SMYD3: variants seen among roughly 807,000 people sequenced by gnomAD.
SMYD3 encodes histone-lysine N-methyltransferase SMYD3.
A neutral mutation model predicts 57.7 loss-of-function variants in SMYD3; 36 were observed. The ratio of observed to expected loss-of-function variants is 0.62; its 90% CI spans 0.48 to 0.82. The LOEUF (loss-of-function observed/expected upper bound fraction) is 0.82, where lower values mean the gene tolerates loss of function less well. Among genes scored for constraint, SMYD3 ranks in the 40% least tolerant of loss-of-function variants. The pLI, the probability that SMYD3 is intolerant of heterozygous loss-of-function variation, is 0.00. For synonymous variants in SMYD3, 211 were observed against 195.0 expected (o/e 1.08, Z -0.68); for missense variants, 515 against 538.8 (o/e 0.96, Z 0.44).
At chr1:246,315,285 TAGGGGATAGTCAC>T (rs1291638377) in intron 5 of SMYD3, among the ~76,000 whole-genome samples, 1 of 152,112 alleles carries the variant, frequency 6.6e-6, no homozygotes, top group Non-Finnish European at 1.5e-5. Flanking sequence ...ACTTAGAAAG[TAGGGGATAGTCAC>T]AGTTGTCAAA....
chr1:246,279,593 A>G (rs975677117), intron 5 of SMYD3, among the ~76,000 whole-genome samples: 18 of 152,214 alleles, frequency 1.2e-4, no homozygotes, highest in Non-Finnish European at 2.4e-4. Context: ...CTCTACAGCT[A>G]AAGAGGAAGT....
intron 5 of SMYD3, among the ~76,000 whole-genome samples, chr1:246,009,678 T>A (rs1039831971): frequency 6.6e-6 from 1 of 152,118 alleles, no homozygotes; most frequent in South Asian, 2.1e-4. Flanking sequence ...CAGGTCTTAG[T>A]ATTCTCCTTA....
intron 10 of SMYD3, among the ~76,000 whole-genome samples, chr1:245,840,452 T>C (rs2050342519): frequency 6.6e-6 from 1 of 150,794 alleles, no homozygotes; most frequent in African/African-American, 2.4e-5. Context: ...AGAACAAGAG[T>C]ACTAAATCTC....
intron 5 of SMYD3, among the ~76,000 whole-genome samples, chr1:246,147,857 G>A (rs866886965): frequency 2.6e-5 from 4 of 152,122 alleles, no homozygotes; most frequent in Middle Eastern, 3.2e-3. Context: ...GAACTCCGCA[G>A]GTGCAGACCT....
At chr1:245,844,824 T>C (rs1434107722) in intron 10 of SMYD3, among the ~76,000 whole-genome samples, 1 of 151,904 alleles carries the variant, frequency 6.6e-6, no homozygotes, top group Non-Finnish European at 1.5e-5. Context: ...TTTCTAGCTT[T>C]AGCCAATCAC....
At chr1:246,371,911 G>A (rs1558429781) in intron 1 of SMYD3, among the ~76,000 whole-genome samples, 2 of 152,046 alleles carry the variant, frequency 1.3e-5, no homozygotes, top group African/African-American at 2.4e-5. Flanking sequence ...TTGCTCTTCT[G>A]TTTTACAATT....
At chr1:246,027,662 T>C (rs76144478) in intron 5 of SMYD3, among the ~76,000 whole-genome samples, 13,421 of 152,208 alleles carry the variant, frequency 0.088, 1,750 homozygotes, top group African/African-American at 0.28. Flanking sequence ...ACATTACTGT[T>C]GATTGACAAC....
intron 1 of SMYD3, among the ~76,000 whole-genome samples, chr1:246,369,464 C>A (rs1237843160): frequency 6.6e-6 from 1 of 152,132 alleles, no homozygotes; most frequent in African/African-American, 2.4e-5. Context: ...TTAACACACA[C>A]CAGTAGATGT....
At position 245,846,085 on chromosome 1, in the gene SMYD3, C is replaced by T. The variant is rs534336864; in HGVS notation, c.1076+12411G>A. 4.6e-5 allele frequency among the ~76,000 whole-genome samples: 7 copies of T among 152,160 alleles called. No homozygotes were observed. In the East Asian group the frequency reaches 9.7e-4, roughly 21 times the overall value. On this transcript the variant is annotated intron_variant, in intron 10 of 11. Coordinates refer to ENST00000490107, the MANE Select transcript of SMYD3 (RefSeq NM_001167740.2). ...TTCTTTTGTTATACAGATAGCAGAA[C>T]ATGAATGGGGTGGGGGGGAAGAAGC...
intron 10 of SMYD3, among the ~76,000 whole-genome samples, chr1:245,818,306 T>C (rs2048968415): frequency 6.6e-6 from 1 of 151,902 alleles, no homozygotes; most frequent in Admixed American, 6.6e-5. Flanking sequence ...GCTTCATAAG[T>C]GAAGGAGAAA....
At chr1:245,996,056 C>T (rs1304387173) in intron 5 of SMYD3, among the ~76,000 whole-genome samples, 2 of 152,174 alleles carry the variant, frequency 1.3e-5, no homozygotes, top group South Asian at 2.1e-4. Flanking sequence ...TATTTAACTT[C>T]CCAACACCTA....
intron 5 of SMYD3, among the ~76,000 whole-genome samples, chr1:246,163,142 A>C (rs1180137981): frequency 6.6e-6 from 1 of 152,254 alleles, no homozygotes; most frequent in African/African-American, 2.4e-5. Context: ...TCTTACACTC[A>C]GTGACTGGTT....
At chr1:246,329,858 T>G (rs904911307) in intron 4 of SMYD3, among the ~76,000 whole-genome samples, 6 of 152,216 alleles carry the variant, frequency 3.9e-5, no homozygotes, top group African/African-American at 1.4e-4. Flanking sequence ...ATTTACTGTA[T>G]GTGCCCTGGC....
At chr1:245,905,497 TG>T (rs1466447824) in intron 8 of SMYD3, among the ~76,000 whole-genome samples, 1 of 152,182 alleles carries the variant, frequency 6.6e-6, no homozygotes, top group Non-Finnish European at 1.5e-5. Flanking sequence ...CCTGTGCCTT[TG>T]GAAAAAGGAG....
chr1:245,760,692 G>A (rs562396589), intron 11 of SMYD3, among the ~76,000 whole-genome samples: 50 of 152,284 alleles, frequency 3.3e-4, no homozygotes, highest in African/African-American at 1.1e-3. Flanking sequence ...CAAAAGGAAT[G>A]TAAGGTCCCT....
At chr1:245,801,488 A>T (rs1196429954) in intron 10 of SMYD3, among the ~76,000 whole-genome samples, 21 of 152,232 alleles carry the variant, frequency 1.4e-4, no homozygotes, top group Admixed American at 1.2e-3. Context: ...AAGATATTTA[A>T]GACATGTTTA....
intron 1 of SMYD3, among the ~76,000 whole-genome samples, chr1:246,450,251 A>G (rs1399082153): frequency 6.6e-6 from 1 of 151,996 alleles, no homozygotes; most frequent in Admixed American, 6.6e-5. Context: ...ACATCGCACC[A>G]TTGCACTCCA....
intron 5 of SMYD3, among the ~76,000 whole-genome samples, chr1:246,014,380 C>T (rs930372924): frequency 5.3e-5 from 8 of 152,108 alleles, no homozygotes; most frequent in Non-Finnish European, 7.4e-5. Context: ...CAAGTGCGGC[C>T]TATATGATTT....
intron 5 of SMYD3, among the ~76,000 whole-genome samples, chr1:246,226,129 C>T (rs2063326873): frequency 6.6e-6 from 1 of 152,054 alleles, no homozygotes; most frequent in South Asian, 2.1e-4. Context: ...CTCTATAAAC[C>T]CGAACTCAAA....
Sources: allele counts gnomAD v4.1 joint callset (sites outside exome capture counted in the v4.1 genomes callset), GRCh38; gene constraint gnomAD v4.1.1; transcripts MANE v1.5; gene names NCBI Gene and HGNC (gene_info 2026-07-23, HGNC 2026-07-21).